Variants in CHST9 observed in about 807,000 individuals in gnomAD.
CHST9 encodes the protein GalNAc-4-sulfotransferase 2.
A neutral mutation model predicts 44.4 loss-of-function variants in CHST9; 41 were observed. The observed-to-expected ratio is 0.92, with a 90% CI of 0.72 to 1.20. The LOEUF is 1.20. Ranked by LOEUF, CHST9 falls within the 50% of genes most tolerant of loss-of-function variation. The pLI is 0.00. For synonymous variants in CHST9, 171 were observed against 178.4 expected, an observed-to-expected ratio of 0.96 and a Z score of 0.33; for missense variants, 504 against 516.5, an observed-to-expected ratio of 0.98 and a Z score of 0.23.
intron 2 of CHST9, among the ~76,000 whole-genome samples, chr18:27,105,682 T>C (rs970365710): frequency 1.3e-5 from 2 of 152,226 alleles, no homozygotes; most frequent in African/African-American, 2.4e-5. Flanking sequence ...TCTTTGGCTA[T>C]TGCTTTTACT....
In CHST9 at chr18:26,946,105, T is replaced by A. The variant is rs533286863; in HGVS notation, c.203-1739A>T. Among the ~76,000 whole-genome samples the A allele has an allele frequency of 3.3e-5, 5 of 152,326 alleles. No homozygotes were observed. In the East Asian group the frequency reaches 9.6e-4, roughly 29 times the overall value. Reference sequence around the variant, plus strand: ...TAAGAATCAATTTTCTTCATTTTTTTAAGGGCAATCTCAATCAGATACTCT... The same window carrying A: ...TAAGAATCAATTTTCTTCATTTTTTAAAGGGCAATCTCAATCAGATACTCT... On this transcript the variant is annotated intron_variant, in intron 4 of 5. Coordinates refer to ENST00000618847, the MANE Select transcript of CHST9 (RefSeq NM_031422.6).
At chr18:27,113,814 G>C (rs140122776) in intron 2 of CHST9, among the ~76,000 whole-genome samples, 20 of 152,236 alleles carry the variant, frequency 1.3e-4, no homozygotes, top group South Asian at 6.2e-4. Context: ...AGACATAACC[G>C]TTGCTGGTCA....
intron 2 of CHST9, among the ~76,000 whole-genome samples, chr18:27,063,902 G>C (rs1598690269): frequency 6.6e-6 from 1 of 152,064 alleles, no homozygotes; most frequent in South Asian, 2.1e-4. Context: ...AGGCCACGAG[G>C]GCTGTAAATT....
At chr18:27,037,355 C>T (rs559962461) in intron 3 of CHST9, among the ~76,000 whole-genome samples, 24 of 152,148 alleles carry the variant, frequency 1.6e-4, no homozygotes, top group Admixed American at 1.4e-3. Flanking sequence ...GAACTAGATC[C>T]TATTGTGTTT....
At chr18:26,964,810 T>C (rs566364947) in intron 4 of CHST9, among the ~76,000 whole-genome samples, 1 of 152,280 alleles carries the variant, frequency 6.6e-6, no homozygotes, top group South Asian at 2.1e-4. Context: ...AAAGGAAATG[T>C]GCAGGATTGA....
At chr18:26,998,586 T>C (rs1175746) in intron 4 of CHST9, among the ~76,000 whole-genome samples, 100,803 of 151,508 alleles carry the variant, frequency 0.67, 34,289 homozygotes, top group African/African-American at 0.81. Context: ...ATTAGCTGGG[T>C]GTGGTGGTGT....
chr18:27,102,470 C>G (rs1350964620), intron 2 of CHST9, among the ~76,000 whole-genome samples: 1 of 152,046 alleles, frequency 6.6e-6, no homozygotes, highest in Non-Finnish European at 1.5e-5. Flanking sequence ...CCATCCTCGA[C>G]TATAAAAAGG....
At chr18:26,958,375 A>G (rs1440522620) in intron 4 of CHST9, among the ~76,000 whole-genome samples, 1 of 152,134 alleles carries the variant, frequency 6.6e-6, no homozygotes, top group Non-Finnish European at 1.5e-5. Flanking sequence ...TGGCACAGAT[A>G]AAAAAGAAAG....
intron 2 of CHST9, among the ~76,000 whole-genome samples, chr18:27,057,412 T>G (rs2057669294): frequency 6.6e-6 from 1 of 152,176 alleles, no homozygotes; most frequent in African/African-American, 2.4e-5. Context: ...AGGAGTTTAT[T>G]TTATAATTTA....
chr18:26,993,462 T>A (rs976369786), intron 4 of CHST9, among the ~76,000 whole-genome samples: 2 of 152,304 alleles, frequency 1.3e-5, no homozygotes, highest in East Asian at 3.9e-4. Context: ...CCAAGAAAAG[T>A]TCTTTATCTG....
At chr18:27,141,817 T>C (rs970443502) in intron 2 of CHST9, among the ~76,000 whole-genome samples, 1 of 151,872 alleles carries the variant, frequency 6.6e-6, no homozygotes, top group Non-Finnish European at 1.5e-5. Context: ...TTTACTTTAT[T>C]ATCCTTAACA....
chr18:26,971,476 C>T (rs1259487026), intron 4 of CHST9, among the ~76,000 whole-genome samples: 1 of 152,164 alleles, frequency 6.6e-6, no homozygotes, highest in Non-Finnish European at 1.5e-5. Flanking sequence ...GTTGCAATAA[C>T]AAACAATTGC....
intron 4 of CHST9, among the ~76,000 whole-genome samples, chr18:26,993,953 C>T (rs952582757): frequency 1.3e-5 from 2 of 152,344 alleles, no homozygotes; most frequent in African/African-American, 4.8e-5. Context: ...CCTCTCTCCT[C>T]GGCTGGGGGA....
rs1203867124 is a variant in CHST9 at position 26,911,500 on chromosome 18, A to C, written c.*4759T>G. 1.3e-5 allele frequency: 2 copies of C among 152,198 alleles called. No homozygotes were observed. Among genetic ancestry groups the C allele is most frequent in the Non-Finnish European group, 2.9e-5 (2 of 68,026 alleles). The allele number at this position is 152,198 out of a possible 1,614,324, so 9.4% of individuals were successfully genotyped here. On this transcript the variant is annotated 3_prime_UTR_variant, in exon 6 of 6. Transcript: ENST00000618847. ...TGCTGTCTTTTTCTGCCTATCAGGG[A>C]GCTCATAAAGAGATGAGATTTTGAA...
chr18:26,917,157 T>G lies in CHST9; in HGVS notation c.434A>C (p.Lys145Thr), dbSNP rs1222200266. The G allele has an allele frequency of 1.2e-6, 2 of 1,613,974 alleles. No individual in the cohort carries two copies. Among genetic ancestry groups the G allele is most frequent in the Middle Eastern group, 1.7e-4 (1 of 6,060 alleles). ...KRQGAKTVFN[K>T]FSNMNWPVDI... ...CACTGGCCAATTCATGTTGCTGAACTTGTTAAAAACAGTCTTAGCTCCTTG... is the reference window on the plus strand; with the variant it reads ...CACTGGCCAATTCATGTTGCTGAACGTGTTAAAAACAGTCTTAGCTCCTTG... Residue 145 changes from lysine (K) to threonine (T), a missense_variant, in exon 6 of 6, where the codon AAG becomes ACG. By Grantham distance (78) the Lys-to-Thr change is moderately conservative (BLOSUM62 -1). Coordinates refer to ENST00000618847, the MANE Select transcript of CHST9 (RefSeq NM_031422.6).
chr18:27,126,093 T>C (rs900959051), intron 2 of CHST9, among the ~76,000 whole-genome samples: 12 of 152,246 alleles, frequency 7.9e-5, no homozygotes, highest in Admixed American at 7.2e-4. Flanking sequence ...CATGTTGCTC[T>C]GACAGAGTAC....
chr18:27,124,229 C>T (rs139778679), intron 2 of CHST9, among the ~76,000 whole-genome samples: 19 of 152,346 alleles, frequency 1.2e-4, no homozygotes, highest in South Asian at 6.2e-4. Flanking sequence ...TCTTTATCTT[C>T]TGGAATCCAA....
At chr18:27,131,619 T>G (rs925682979) in intron 2 of CHST9, among the ~76,000 whole-genome samples, 1 of 152,154 alleles carries the variant, frequency 6.6e-6, no homozygotes, top group Admixed American at 6.5e-5. Context: ...AGGTCAGACA[T>G]GACTTGTTAT....
At chr18:26,981,407 G>T (rs1042108122) in intron 4 of CHST9, among the ~76,000 whole-genome samples, 1 of 152,186 alleles carries the variant, frequency 6.6e-6, no homozygotes, top group Non-Finnish European at 1.5e-5. Flanking sequence ...ATCCATCAAT[G>T]TGTGAATTCT....
Sources: gnomAD v4.1 joint callset for allele counts (sites outside exome capture counted in the v4.1 genomes callset) on GRCh38, gnomAD v4.1.1 for gene constraint, MANE v1.5 for transcripts, NCBI Gene and HGNC (gene_info 2026-07-23, HGNC 2026-07-21) for gene names.